CNTNAP2: variants seen among roughly 807,000 people sequenced by gnomAD.
The protein encoded by CNTNAP2 is contactin-associated protein-like 2.
A neutral mutation model predicts 155.2 loss-of-function variants in CNTNAP2; 98 were observed. The observed-to-expected ratio is 0.63, with a 90% CI of 0.54 to 0.75. The LOEUF is 0.75. Ranked by LOEUF, CNTNAP2 falls within the 30% of genes least tolerant of loss-of-function variation. The probability of loss-of-function intolerance (pLI) is 0.00; values close to 1 mark genes in which losing one functional copy is unlikely to be tolerated. For synonymous variants in CNTNAP2, 651 were observed against 631.2 expected, an observed-to-expected ratio of 1.03 and a Z score of -0.47; for missense variants, 1,727 against 1,688.1, an observed-to-expected ratio of 1.02 and a Z score of -0.40.
intron 2 of CNTNAP2, among the ~76,000 whole-genome samples, chr7:146,827,989 T>C (rs1368818083): frequency 2.0e-5 from 3 of 152,116 alleles, no homozygotes; most frequent in Non-Finnish European, 1.5e-5. Context: ...ATATGACATA[T>C]CTGGTTTTCC....
intron 13 of CNTNAP2, among the ~76,000 whole-genome samples, chr7:147,806,458 A>G (rs956596594): frequency 2.0e-5 from 3 of 152,180 alleles, no homozygotes; most frequent in Non-Finnish European, 2.9e-5. Context: ...CTAAAAATAG[A>G]GCTATTAATA....
rs375212804 is a variant in CNTNAP2, at chr7:148,229,298, C to T, written c.3248-348C>T. On this transcript the variant is annotated intron_variant, in intron 19 of 23. Coordinates refer to ENST00000361727, the MANE Select transcript of CNTNAP2 (RefSeq NM_014141.6). ...CAGCACTTTGGGAGGCTGAGGCGAA[C>T]GGATAGCCTGAGGTCAGAATTTCGA... Among the ~76,000 whole-genome samples, 26 of 152,222 alleles carry T rather than the reference C, an allele frequency of 1.7e-4. 1 individual carries two copies. In the South Asian group the frequency reaches 2.7e-3, roughly 16 times the overall value.
chr7:147,325,452 G>A (rs1795436918), intron 9 of CNTNAP2, among the ~76,000 whole-genome samples: 1 of 152,138 alleles, frequency 6.6e-6, no homozygotes, highest in South Asian at 2.1e-4. Context: ...TGCGGTTCTT[G>A]CTTTTCTGAA....
At chr7:147,666,118 G>T (rs935719868) in intron 13 of CNTNAP2, among the ~76,000 whole-genome samples, 63 of 152,198 alleles carry the variant, frequency 4.1e-4, no homozygotes, top group Middle Eastern at 3.4e-3. Context: ...TCAGACAAAA[G>T]AGAAATATTA....
intron 22 of CNTNAP2, among the ~76,000 whole-genome samples, chr7:148,400,352 A>G (rs1799555898): frequency 6.6e-6 from 1 of 152,166 alleles, no homozygotes; most frequent in Admixed American, 6.5e-5. Flanking sequence ...CACTTCCCGA[A>G]TTTATATTCC....
chr7:146,516,210 A>G (rs1797538586), intron 1 of CNTNAP2, among the ~76,000 whole-genome samples: 1 of 151,950 alleles, frequency 6.6e-6, no homozygotes, highest in East Asian at 1.9e-4. Context: ...TAAATGTGCA[A>G]TGGTCAATAT....
intron 18 of CNTNAP2, among the ~76,000 whole-genome samples, chr7:148,194,779 C>T (rs1205437184): frequency 6.6e-6 from 1 of 152,178 alleles, no homozygotes; most frequent in Non-Finnish European, 1.5e-5. Context: ...CTTACCCTTC[C>T]TTCACCTTTT....
intron 9 of CNTNAP2, among the ~76,000 whole-genome samples, chr7:147,306,303 T>C (rs1584860203): frequency 6.6e-6 from 1 of 152,332 alleles, no homozygotes; most frequent in Admixed American, 6.5e-5. Context: ...GTCAAACACA[T>C]ACTTTGAGAA....
intron 13 of CNTNAP2, among the ~76,000 whole-genome samples, chr7:147,712,116 A>G (rs191031063): frequency 6.6e-6 from 1 of 152,296 alleles, no homozygotes; most frequent in African/African-American, 2.4e-5. Context: ...TCCTTCAGGC[A>G]AAAATGCCCT....
chr7:146,983,869 A>G (rs951526300), intron 3 of CNTNAP2, among the ~76,000 whole-genome samples: 1 of 152,222 alleles, frequency 6.6e-6, no homozygotes, highest in Non-Finnish European at 1.5e-5. Flanking sequence ...GAATTTATAA[A>G]GAATATTTGT....
At chr7:148,331,277 G>A (rs372098026) in intron 21 of CNTNAP2, among the ~76,000 whole-genome samples, 5 of 147,570 alleles carry the variant, frequency 3.4e-5, no homozygotes, top group Admixed American at 6.7e-5. Flanking sequence ...TGGAGTGGAC[G>A]GATGGAGTGG....
chr7:146,175,783 C>T (rs1465184045), intron 1 of CNTNAP2, among the ~76,000 whole-genome samples: 3 of 152,162 alleles, frequency 2.0e-5, no homozygotes, highest in African/African-American at 7.2e-5. Flanking sequence ...TATAATATTA[C>T]AATTGCTATT....
chr7:147,452,781 G>A (rs1393732275), intron 10 of CNTNAP2, among the ~76,000 whole-genome samples: 3 of 152,090 alleles, frequency 2.0e-5, no homozygotes, highest in African/African-American at 7.2e-5. Context: ...TGCCTGATAT[G>A]TAAGTATGCA....
intron 17 of CNTNAP2, among the ~76,000 whole-genome samples, chr7:148,156,711 A>T (rs1562977069): frequency 1.3e-5 from 2 of 152,160 alleles, no homozygotes; most frequent in Admixed American, 6.5e-5. Flanking sequence ...CTTAGAATAA[A>T]CATGATGGGA....
At chr7:148,202,937 T>A (rs947836039) in intron 18 of CNTNAP2, among the ~76,000 whole-genome samples, 41 of 152,302 alleles carry the variant, frequency 2.7e-4, no homozygotes, top group African/African-American at 9.9e-4. Context: ...TTCCTCCTTC[T>A]TCTGCCAAAA....
chr7:146,779,834 G>A (rs1802451990), intron 2 of CNTNAP2, among the ~76,000 whole-genome samples: 1 of 152,120 alleles, frequency 6.6e-6, no homozygotes, highest in African/African-American at 2.4e-5. Context: ...CTTCAGCAGG[G>A]AAAACACATT....
chr7:147,782,084 G>A (rs553173132), intron 13 of CNTNAP2, among the ~76,000 whole-genome samples: 1 of 151,710 alleles, frequency 6.6e-6, no homozygotes, highest in South Asian at 2.1e-4. Context: ...ATCTCTAAAG[G>A]GGGCCAGGAT....
rs539791264 is a variant in CNTNAP2 at position 147,936,031 on chromosome 7, G to T, written c.2255+32310G>T. On this transcript the variant is annotated intron_variant, in intron 14 of 23. Transcript: ENST00000361727. ...TTTCATGTAAAAGCTCAACTTAAAA[G>T]TGTGCCTGTTTGGATGATAAGAAAA... 2.8e-3 allele frequency among the ~76,000 whole-genome samples: 423 copies of T among 151,938 alleles called. 3 individuals carry two copies. The highest frequency in any genetic ancestry group is 9.9e-3 in the African/African-American group (411 of 41,462).
At chr7:146,303,085 T>C (rs1173786636) in intron 1 of CNTNAP2, among the ~76,000 whole-genome samples, 2 of 151,556 alleles carry the variant, frequency 1.3e-5, no homozygotes, top group African/African-American at 2.4e-5. Flanking sequence ...TGTGTGTGTG[T>C]GTGTGTGTGT....
Sources: allele counts gnomAD v4.1 joint callset (sites outside exome capture counted in the v4.1 genomes callset), GRCh38; gene constraint gnomAD v4.1.1; transcripts MANE v1.5; gene names NCBI Gene and HGNC (gene_info 2026-07-23, HGNC 2026-07-21).